Variants in VPS41 observed in about 807,000 individuals in gnomAD.
VPS41 encodes the protein vacuolar protein sorting-associated protein 41 homolog.
VPS41 carries 85 observed loss-of-function variants against 130.9 expected under a neutral mutation model. The observed-to-expected ratio is 0.65, with a 90% CI of 0.55 to 0.78. VPS41 has a LOEUF of 0.78. VPS41 is among the 30% of genes least tolerant of loss of function. The pLI is 0.00. For synonymous variants in VPS41, 335 were observed against 332.9 expected (o/e 1.01, Z -0.07); for missense variants, 874 against 1,018.7 (o/e 0.86, Z 1.93).
At chr7:38,739,870 GA>G (rs1312572289) in intron 25 of VPS41, among the ~76,000 whole-genome samples, 1 of 152,168 alleles carries the variant, frequency 6.6e-6, no homozygotes, top group African/African-American at 2.4e-5. Flanking sequence ...CTCTAATTAA[GA>G]AAAAATATTT....
At chr7:38,729,915 A>G (rs2115559119) in intron 25 of VPS41, among the ~76,000 whole-genome samples, 1 of 152,166 alleles carries the variant, frequency 6.6e-6, no homozygotes, top group Non-Finnish European at 1.5e-5. Flanking sequence ...ATGTCATTTC[A>G]TTTATTATTA....
At chr7:38,840,874 C>A (rs897927942) in intron 4 of VPS41, among the ~76,000 whole-genome samples, 1 of 152,136 alleles carries the variant, frequency 6.6e-6, no homozygotes, top group Non-Finnish European at 1.5e-5. Flanking sequence ...ATACCGGGAA[C>A]AGATAGTGAA....
intron 1 of VPS41, among the ~76,000 whole-genome samples, chr7:38,901,668 A>C (rs1787148880): frequency 6.6e-6 from 1 of 152,162 alleles, no homozygotes; most frequent in African/African-American, 2.4e-5. Context: ...TAGGTGGACA[A>C]ACATCACAAC....
chr7:38,811,779 T>C (rs9655397), intron 7 of VPS41, among the ~76,000 whole-genome samples: 32,543 of 151,940 alleles, frequency 0.21, 4,447 homozygotes, highest in Non-Finnish European at 0.31. Flanking sequence ...TAATGGCTTT[T>C]TAAAGGGAAA....
intron 4 of VPS41, among the ~76,000 whole-genome samples, chr7:38,852,355 G>C (rs1050652658): frequency 6.6e-6 from 1 of 152,100 alleles, no homozygotes; most frequent in Admixed American, 6.6e-5. Flanking sequence ...CCAGTCCCCA[G>C]CTCCGGGAGA....
Position 38,830,302 on chromosome 7 carries a change from G to A in VPS41, c.273C>T (p.Ser91=). ...CCATGTGCTCTCCACTTTCATCCAA[G>A]CTAATCTGATTTATCTTCACAGGAC... ...DVSPVKINQI[S]LDESGEHMGV... is the part of the protein sequence containing the mutation. The change falls in exon 5 of 29, where the codon AGC becomes AGT. Residue 91 remains serine, a synonymous_variant. Coordinates refer to ENST00000310301, the MANE Select transcript of VPS41 (RefSeq NM_014396.4). 4 of 1,612,658 alleles carry A rather than the reference G, an allele frequency of 2.5e-6. No homozygotes were observed. The highest frequency in any genetic ancestry group is 3.4e-6 in the Non-Finnish European group (4 of 1,178,682).
intron 2 of VPS41, among the ~76,000 whole-genome samples, chr7:38,895,406 C>G (rs773756201): frequency 6.6e-6 from 1 of 152,182 alleles, no homozygotes; most frequent in Non-Finnish European, 1.5e-5. Context: ...TATAGACATT[C>G]AACTCATGAT....
intron 25 of VPS41, among the ~76,000 whole-genome samples, chr7:38,740,840 T>C (rs1795866031): frequency 6.6e-6 from 1 of 152,188 alleles, no homozygotes; most frequent in Non-Finnish European, 1.5e-5. Context: ...TCCATTAGGA[T>C]GACTCAGAAA....
intron 27 of VPS41, among the ~76,000 whole-genome samples, chr7:38,727,871 A>G (rs11979618): frequency 0.19 from 28,409 of 152,184 alleles, 3,696 homozygotes; most frequent in East Asian, 0.42. Flanking sequence ...CTGTCATAAT[A>G]AACCTTAAGA....
rs1783845924 is a variant in VPS41, at chr7:38,758,364, G to C, written c.1540C>G (p.Leu514Val). The change falls in exon 18 of 29, where the codon CTG becomes GTG. Residue 514 changes from leucine to valine, a missense_variant. Physicochemically the swap from Leu to Val is conservative, Grantham distance 32. Coordinates refer to ENST00000310301, the MANE Select transcript of VPS41 (RefSeq NM_014396.4). The stretch of plus-strand genomic sequence containing the variant: ...CTTAAGTATACTCACAATTCTGCCA[G>C]GGTTTTAAGTAAAGTCTTGTTCTGA... ...DSQNKTLLKT[L>V]AELYTYDKNY... 1 of 1,608,066 alleles carries C rather than the reference G, an allele frequency of 6.2e-7. No homozygotes were observed. Among genetic ancestry groups the C allele is most frequent in the African/African-American group, 1.3e-5 (1 of 74,582 alleles).
At chr7:38,766,484 A>G (rs73694734) in intron 15 of VPS41, among the ~76,000 whole-genome samples, 1 of 152,336 alleles carries the variant, frequency 6.6e-6, no homozygotes, top group African/African-American at 2.4e-5. Context: ...ATGAGACGAC[A>G]CAAATAGTGT....
chr7:38,813,948 C>T (rs770346671), intron 7 of VPS41, among the ~76,000 whole-genome samples: 1 of 152,148 alleles, frequency 6.6e-6, no homozygotes, highest in Admixed American at 6.5e-5. Flanking sequence ...TCAGTGACAA[C>T]CAAAGAGACA....
intron 11 of VPS41, chr7:38,775,416 G>A (rs958905623): frequency 2.0e-5 from 3 of 151,982 alleles, no homozygotes; most frequent in African/African-American, 7.2e-5. Flanking sequence ...TATTAACAAA[G>A]GTTTCCTTTC....
chr7:38,906,653 T>C (rs1415978089), intron 1 of VPS41, among the ~76,000 whole-genome samples: 1 of 152,216 alleles, frequency 6.6e-6, no homozygotes, highest in Admixed American at 6.5e-5. Flanking sequence ...ACTAGTCTTT[T>C]TAAGATACTG....
At chr7:38,859,444 C>T (rs1174573393) in intron 4 of VPS41, among the ~76,000 whole-genome samples, 1 of 152,076 alleles carries the variant, frequency 6.6e-6, no homozygotes, top group African/African-American at 2.4e-5. Flanking sequence ...AAGTTCCATT[C>T]ATGATAAGTC....
intron 2 of VPS41, among the ~76,000 whole-genome samples, chr7:38,888,230 C>T (rs761559426): frequency 7.9e-5 from 12 of 151,948 alleles, no homozygotes; most frequent in Non-Finnish European, 1.5e-4. Context: ...AAGACACAGA[C>T]GCAAACTGGA....
chr7:38,736,127 TAA>T (rs1795757946), intron 25 of VPS41, among the ~76,000 whole-genome samples: 1 of 152,216 alleles, frequency 6.6e-6, no homozygotes, highest in African/African-American at 2.4e-5. Context: ...ATTCAATATG[TAA>T]AGAGATATTT....
At chr7:38,825,646 T>C (rs1785258756) in intron 5 of VPS41, among the ~76,000 whole-genome samples, 1 of 151,904 alleles carries the variant, frequency 6.6e-6, no homozygotes, top group Non-Finnish European at 1.5e-5. Context: ...TAAAAAAAAA[T>C]ACCTAATGAA....
chr7:38,768,352 A>G (rs1025639979), intron 14 of VPS41, among the ~76,000 whole-genome samples: 3 of 151,968 alleles, frequency 2.0e-5, no homozygotes, highest in Admixed American at 6.6e-5. Context: ...TTGGGTGTTG[A>G]TTTCTACTTT....
Sources: allele counts gnomAD v4.1 joint callset (sites outside exome capture counted in the v4.1 genomes callset), GRCh38; gene constraint gnomAD v4.1.1; transcripts MANE v1.5; gene names NCBI Gene and HGNC (gene_info 2026-07-23, HGNC 2026-07-21).